CADPS: variants seen among roughly 807,000 people sequenced by gnomAD.
The protein encoded by CADPS is calcium-dependent secretion activator 1.
A neutral mutation model predicts 167.3 loss-of-function variants in CADPS; 57 were observed. The observed-to-expected ratio is 0.34, with a 90% confidence interval of 0.28 to 0.42. The LOEUF (loss-of-function observed/expected upper bound fraction) is 0.42, where lower values mean the gene tolerates loss of function less well. Among genes scored for constraint, CADPS ranks in the 20% least tolerant of loss-of-function variants. The pLI is 1.00. For synonymous variants in CADPS, 676 were observed against 635.3 expected (o/e 1.06, Z -0.96); for missense variants, 1,414 against 1,738.1 (o/e 0.81, Z 3.32).
In CADPS at chr3:62,585,308, G is replaced by C; in HGVS notation, c.1454C>G (p.Thr485Ser). Residue 485 changes from threonine (T) to serine (S), a missense_variant, in exon 8 of 30, where the codon ACC becomes AGC. By Grantham distance (58) the Thr-to-Ser change is moderately conservative. Coordinates refer to ENST00000383710, the MANE Select transcript of CADPS (RefSeq NM_003716.4). ...CTCTGACTGTTTGGGGCTGTTCGGG[G>C]TGGGATGGAGAATAACCTGTAGGGG... is the stretch of plus-strand genomic sequence containing the variant. Reference protein sequence around the residue: ...KELGRVILHPTPNSPKQSEWH... With the variant: ...KELGRVILHPSPNSPKQSEWH... 2.5e-6 allele frequency: 4 copies of C among 1,610,094 alleles called. No individual in the cohort carries two copies. Among genetic ancestry groups the C allele is most frequent in the Non-Finnish European group, 3.4e-6 (4 of 1,177,958 alleles).
chr3:62,401,722 C>G (rs1053109832), intron 29 of CADPS, among the ~76,000 whole-genome samples: 2 of 140,156 alleles, frequency 1.4e-5, no homozygotes, highest in African/African-American at 2.6e-5. Flanking sequence ...TTCTCTGTGG[C>G]TCATACCACA....
intron 8 of CADPS, among the ~76,000 whole-genome samples, chr3:62,580,911 C>T (rs557840719): frequency 6.6e-6 from 1 of 152,300 alleles, no homozygotes; most frequent in Admixed American, 6.5e-5. Flanking sequence ...GATATTTGGA[C>T]TACAACCTTA....
intron 21 of CADPS, among the ~76,000 whole-genome samples, chr3:62,485,211 T>C (rs952178090): frequency 1.3e-5 from 2 of 152,072 alleles, no homozygotes; most frequent in East Asian, 1.9e-4. Context: ...AAAGCCCCCA[T>C]TGAGAATGTA....
At chr3:62,537,887 C>G (rs957297810) in intron 11 of CADPS, among the ~76,000 whole-genome samples, 4 of 152,024 alleles carry the variant, frequency 2.6e-5, no homozygotes. Flanking sequence ...ATTTATACCT[C>G]CTTATTGTTT....
chr3:62,718,786 C>T (rs1443675611), intron 3 of CADPS, among the ~76,000 whole-genome samples: 1 of 152,222 alleles, frequency 6.6e-6, no homozygotes, highest in Non-Finnish European at 1.5e-5. Flanking sequence ...TCTCTGCAGG[C>T]AGTGGCACTG....
At chr3:62,497,694 A>T (rs2065053918) in intron 18 of CADPS, among the ~76,000 whole-genome samples, 1 of 152,194 alleles carries the variant, frequency 6.6e-6, no homozygotes, top group Non-Finnish European at 1.5e-5. Context: ...CAGGGAAAAA[A>T]ATTCTTCAGT....
chr3:62,806,568 C>T (rs977557695), intron 1 of CADPS, among the ~76,000 whole-genome samples: 21 of 152,048 alleles, frequency 1.4e-4, no homozygotes, highest in Non-Finnish European at 2.8e-4. Flanking sequence ...AAGTCTTTCT[C>T]TCACTTAGTC....
intron 28 of CADPS, among the ~76,000 whole-genome samples, chr3:62,432,666 G>C (rs1294587190): frequency 6.6e-6 from 1 of 152,114 alleles, no homozygotes; most frequent in Non-Finnish European, 1.5e-5. Flanking sequence ...CTCAGAGCTC[G>C]ATGCTGCAGA....
Position 62,710,503 on chromosome 3 carries a change from T to C in CADPS, c.888+42938A>G, listed in dbSNP as rs142253554. 4.3e-4 allele frequency among the ~76,000 whole-genome samples: 65 copies of C among 152,234 alleles called. 1 individual carries two copies. In the East Asian group the frequency reaches 0.011, roughly 26 times the overall value. ...CTTAAATATATAGGTCAATGAATTT[T>C]TATATATGGATCCACACATTTAACC... On this transcript the variant is annotated intron_variant, in intron 3 of 29. Transcript: ENST00000383710.
At chr3:62,567,564 C>A (rs77054135) in intron 9 of CADPS, among the ~76,000 whole-genome samples, 3 of 33,818 alleles carry the variant, frequency 8.9e-5, no homozygotes, top group African/African-American at 3.3e-4. Context: ...CTAAGCACTG[C>A]TTTTTTTTTT....
chr3:62,731,805 C>CAAAAA lies in CADPS; in HGVS notation c.888+21631_888+21635dup, dbSNP rs1212456893. Reference sequence around the variant, plus strand: ...CCTGGTGAAAGAAACTGATCATATGCAAAAAAAAAAAAAAAAAAAAAAAAA... The same window carrying CAAAAA: ...CCTGGTGAAAGAAACTGATCATATGCAAAAAAAAAAAAAAAAAAAAAAAAAAAAAA... On this transcript the variant is annotated intron_variant, in intron 3 of 29. Coordinates refer to ENST00000383710, the MANE Select transcript of CADPS (RefSeq NM_003716.4). 4.0e-3 allele frequency among the ~76,000 whole-genome samples: 107 copies of CAAAAA among 27,056 alleles called. 1 individual carries two copies. The highest frequency in any genetic ancestry group is 0.025 in the Middle Eastern group (1 of 40). The allele number at this position is 27,056 out of a possible 152,430, so 17.7% of individuals were successfully genotyped here.
At position 62,850,753 on chromosome 3, in the gene CADPS, G is replaced by T. The variant is rs1266970452; in HGVS notation, c.441+23836C>A. 4.6e-5 allele frequency among the ~76,000 whole-genome samples: 7 copies of T among 151,366 alleles called. No homozygotes were observed. In the South Asian group the frequency reaches 6.3e-4, roughly 14 times the overall value. On this transcript the variant is annotated intron_variant, in intron 1 of 29. Coordinates refer to ENST00000383710, the MANE Select transcript of CADPS (RefSeq NM_003716.4). The stretch of plus-strand genomic sequence containing the variant: ...TGCTGAAAAAAATGTATATTCTGTT[G>T]ATTTGGGGTGGAGAGTTCTGTAGAT...
chr3:62,859,050 T>C (rs1339213103), intron 1 of CADPS, among the ~76,000 whole-genome samples: 1 of 152,134 alleles, frequency 6.6e-6, no homozygotes, highest in Non-Finnish European at 1.5e-5. Context: ...GAAAGCTTTA[T>C]ATAAAAGCAT....
intron 3 of CADPS, among the ~76,000 whole-genome samples, chr3:62,677,521 C>T (rs2150954871): frequency 6.6e-6 from 1 of 152,060 alleles, no homozygotes; most frequent in East Asian, 1.9e-4. Flanking sequence ...GTGCCACTGC[C>T]AATAGTGGGT....
Position 62,403,067 on chromosome 3 carries a change from A to T in CADPS, c.3882+14T>A, listed in dbSNP as rs778293929. ...AAGCTATTTGCAAAGAAGAATAATA[A>T]TCTTTTCTTTTACCTTTACCATCCT... is the stretch of plus-strand genomic sequence containing the variant. On this transcript the variant is annotated intron_variant, in intron 29 of 29. Transcript: ENST00000383710. The T allele has an allele frequency of 6.7e-7, 1 of 1,491,530 alleles. No homozygotes were observed. The highest frequency in any genetic ancestry group is 9.3e-7 in the Non-Finnish European group (1 of 1,071,734). 92.4% of individuals were successfully genotyped at this position (1,491,530 alleles called of 1,614,324 possible). A position where few individuals can be genotyped will look rare whatever the true frequency, so the allele number is the denominator to read the frequency against.
At chr3:62,631,900 C>T (rs994969849) in intron 6 of CADPS, among the ~76,000 whole-genome samples, 1 of 152,158 alleles carries the variant, frequency 6.6e-6, no homozygotes, top group Non-Finnish European at 1.5e-5. Flanking sequence ...TTCAGCCATT[C>T]ACTTTCTCTC....
At chr3:62,483,740 C>T (rs1307272421) in intron 21 of CADPS, among the ~76,000 whole-genome samples, 2 of 152,044 alleles carry the variant, frequency 1.3e-5, no homozygotes, top group Non-Finnish European at 2.9e-5. Flanking sequence ...GGGAATTTGC[C>T]TTTGAATTCA....
chr3:62,646,624 A>T (rs1265481591), intron 5 of CADPS, among the ~76,000 whole-genome samples: 1 of 152,216 alleles, frequency 6.6e-6, no homozygotes, highest in Non-Finnish European at 1.5e-5. Flanking sequence ...AGATTCAGAG[A>T]TGCAACAGGG....
chr3:62,871,539 T>C (rs1309141135), intron 1 of CADPS, among the ~76,000 whole-genome samples: 1 of 152,146 alleles, frequency 6.6e-6, no homozygotes, highest in African/African-American at 2.4e-5. Flanking sequence ...ATTAAAAAGA[T>C]AGGATTTGGA....
Sources: gnomAD v4.1 joint callset for allele counts (sites outside exome capture counted in the v4.1 genomes callset) on GRCh38, gnomAD v4.1.1 for gene constraint, MANE v1.5 for transcripts, NCBI Gene and HGNC (gene_info 2026-07-23, HGNC 2026-07-21) for gene names.